The following TRDN variants were observed in gnomAD, a reference collection of about 807,000 sequenced individuals.
TRDN encodes triadin in skeletal muscle.
A neutral mutation model predicts 149.7 loss-of-function variants in TRDN; 161 were observed. That is an observed-to-expected ratio of 1.08 (90% confidence interval 0.95 to 1.23). TRDN has a LOEUF of 1.23. Among genes scored for constraint, TRDN ranks in the 50% most tolerant of loss-of-function variants. The probability of loss-of-function intolerance (pLI) is 0.00; values close to 1 mark genes in which losing one functional copy is unlikely to be tolerated. For missense variants in TRDN, 896 were observed against 823.5 expected, an observed-to-expected ratio of 1.09 and a Z score of -1.08; for synonymous variants, 294 against 250.5, an observed-to-expected ratio of 1.17 and a Z score of -1.64.
intron 24 of TRDN, among the ~76,000 whole-genome samples, chr6:123,312,017 G>A (rs1778844930): frequency 6.6e-6 from 1 of 151,970 alleles, no homozygotes; most frequent in Non-Finnish European, 1.5e-5. Context: ...ACTTCTGAAT[G>A]AGTACCAGAC....
At chr6:123,455,348 G>A (rs903463750) in intron 10 of TRDN, among the ~76,000 whole-genome samples, 1 of 151,686 alleles carries the variant, frequency 6.6e-6, no homozygotes, top group South Asian at 2.1e-4. Flanking sequence ...TATAGCTGAG[G>A]GGTGCCATGT....
intron 13 of TRDN, among the ~76,000 whole-genome samples, chr6:123,391,099 CCAATTTGGGT>C (rs1782095665): frequency 6.6e-6 from 1 of 152,002 alleles, no homozygotes; most frequent in Non-Finnish European, 1.5e-5. Context: ...TCCTTCCTTT[CCAATTTGGGT>C]CTATATCAAT....
At chr6:123,331,989 TA>T in intron 22 of TRDN, 60 bp from the exon 23 acceptor site, 3 of 1,297,996 alleles carry the variant, frequency 2.3e-6, no homozygotes, top group Non-Finnish European at 3.2e-6. Context: ...CAGATACCTA[TA>T]AATGAAGTCA....
At chr6:123,456,617 T>C (rs13210103) in intron 10 of TRDN, among the ~76,000 whole-genome samples, 25,663 of 151,936 alleles carry the variant, frequency 0.17, 2,328 homozygotes, top group South Asian at 0.28. Context: ...TACAGGCATA[T>C]GCCTCCATGC....
chr6:123,514,168 C>T (rs1021473954), intron 6 of TRDN, among the ~76,000 whole-genome samples: 1 of 151,974 alleles, frequency 6.6e-6, no homozygotes, highest in Non-Finnish European at 1.5e-5. Context: ...AGTATGAGAC[C>T]AGCCTGGCCA....
At chr6:123,283,379 T>C (rs184851029) in intron 24 of TRDN, among the ~76,000 whole-genome samples, 54 of 151,486 alleles carry the variant, frequency 3.6e-4, no homozygotes, top group African/African-American at 9.2e-4. Context: ...AGAGCACAAA[T>C]AGACAATCTA....
intron 1 of TRDN, among the ~76,000 whole-genome samples, chr6:123,606,974 A>T (rs372974538): frequency 1.3e-3 from 203 of 152,272 alleles, no homozygotes; most frequent in African/African-American, 4.7e-3. Flanking sequence ...TGCCTCTGGG[A>T]GTCCCCCCAC....
chr6:123,330,708 A>C (rs1208085781), intron 23 of TRDN, among the ~76,000 whole-genome samples: 1 of 152,126 alleles, frequency 6.6e-6, no homozygotes, highest in Non-Finnish European at 1.5e-5. Context: ...TCATTAAATA[A>C]CAATTATGTT....
chr6:123,361,459 T>C (rs1183416486), intron 20 of TRDN, among the ~76,000 whole-genome samples: 2 of 151,892 alleles, frequency 1.3e-5, no homozygotes, highest in East Asian at 1.9e-4. Context: ...CACCATGGCA[T>C]GTGTATACCC....
intron 23 of TRDN, among the ~76,000 whole-genome samples, chr6:123,318,673 G>C (rs1167802260): frequency 6.6e-6 from 1 of 151,976 alleles, no homozygotes; most frequent in East Asian, 1.9e-4. Flanking sequence ...ATTTGAAACA[G>C]CCTTGCTTCC....
intron 24 of TRDN, among the ~76,000 whole-genome samples, chr6:123,313,287 T>A (rs1374127779): frequency 6.6e-6 from 1 of 151,992 alleles, no homozygotes; most frequent in Non-Finnish European, 1.5e-5. Flanking sequence ...ACTTCTGTCA[T>A]TTCAGCCATC....
chr6:123,447,320 T>C (rs1025064673), intron 10 of TRDN, among the ~76,000 whole-genome samples: 1 of 152,088 alleles, frequency 6.6e-6, no homozygotes, highest in African/African-American at 2.4e-5. Flanking sequence ...GTGTTTGGAG[T>C]TTTAAAAACC....
At chr6:123,512,419 T>G (rs1779228922) in intron 6 of TRDN, 57 bp from the exon 7 acceptor site, 1 of 1,052,914 alleles carries the variant, frequency 9.5e-7, no homozygotes, top group South Asian at 1.5e-5. Flanking sequence ...AAACCAAGCT[T>G]TCTTTTGACC....
chr6:123,403,670 A>G (rs1171318590), intron 12 of TRDN, among the ~76,000 whole-genome samples: 3 of 152,172 alleles, frequency 2.0e-5, no homozygotes, highest in African/African-American at 4.8e-5. Context: ...AATAGCAGGA[A>G]TACACAGCTG....
At chr6:123,536,919 A>G (rs1302472742) in intron 4 of TRDN, among the ~76,000 whole-genome samples, 1 of 151,832 alleles carries the variant, frequency 6.6e-6, no homozygotes. Context: ...AAACAGAAAA[A>G]CAACTGCAAC....
At chr6:123,435,502 C>G (rs1390143541) in intron 12 of TRDN, among the ~76,000 whole-genome samples, 1 of 150,736 alleles carries the variant, frequency 6.6e-6, no homozygotes, top group Non-Finnish European at 1.5e-5. Context: ...CTCTGTCTCT[C>G]TCTCTCTCTC....
chr6:123,529,917 A>G (rs548467077), intron 5 of TRDN, among the ~76,000 whole-genome samples: 42 of 151,988 alleles, frequency 2.8e-4, no homozygotes, highest in Non-Finnish European at 3.8e-4. Context: ...CTTATAAGAT[A>G]AGCAAGACAA....
chr6:123,479,564 T>A (rs868540821), intron 9 of TRDN, among the ~76,000 whole-genome samples: 1 of 152,068 alleles, frequency 6.6e-6, no homozygotes, highest in Non-Finnish European at 1.5e-5. Context: ...ACTGAGAACA[T>A]TGAAACACAA....
chr6:123,576,950 A>C (rs1476149650), intron 1 of TRDN, among the ~76,000 whole-genome samples: 1 of 152,060 alleles, frequency 6.6e-6, no homozygotes, highest in Non-Finnish European at 1.5e-5. Flanking sequence ...CTGCACATGT[A>C]CTGCCAAACT....
Sources: allele counts gnomAD v4.1 joint callset (sites outside exome capture counted in the v4.1 genomes callset), GRCh38; gene constraint gnomAD v4.1.1; transcripts MANE v1.5; gene names NCBI Gene and HGNC (gene_info 2026-07-23, HGNC 2026-07-21).